Variants in NAA15 observed in about 807,000 individuals in gnomAD.
NAA15 encodes the protein N-terminal acetyltransferase.
Under a neutral mutation model 114.0 loss-of-function variants are expected in NAA15, and 34 were observed. That is an observed-to-expected ratio of 0.30 (90% CI 0.23 to 0.40). The LOEUF (loss-of-function observed/expected upper bound fraction) is 0.40, where lower values mean the gene tolerates loss of function less well. NAA15 is among the 10% of genes least tolerant of loss of function. The probability of loss-of-function intolerance (pLI) is 1.00; values close to 1 mark genes in which losing one functional copy is unlikely to be tolerated. For synonymous variants in NAA15, 340 were observed against 338.0 expected, an observed-to-expected ratio of 1.01 and a Z score of -0.06; for missense variants, 658 against 1,004.5, an observed-to-expected ratio of 0.66 and a Z score of 4.66.
At chr4:139,319,310 G>A (rs561411833) in intron 1 of NAA15, among the ~76,000 whole-genome samples, 14 of 152,118 alleles carry the variant, frequency 9.2e-5, no homozygotes, top group Admixed American at 2.6e-4. Flanking sequence ...TTTTCAACAC[G>A]TTGGCCAGGC....
intron 3 of NAA15, among the ~76,000 whole-genome samples, chr4:139,340,205 G>T (rs538921133): frequency 2.6e-5 from 4 of 152,032 alleles, no homozygotes; most frequent in African/African-American, 9.6e-5. Flanking sequence ...GCCTGTAGTC[G>T]CAGCTACTCA....
intron 12 of NAA15, among the ~76,000 whole-genome samples, chr4:139,360,163 T>G (rs563326566): frequency 6.6e-6 from 1 of 152,158 alleles, no homozygotes; most frequent in East Asian, 1.9e-4. Flanking sequence ...AACTAAAATT[T>G]ATTGAATACC....
chr4:139,345,950 C>T (rs1404097562), intron 6 of NAA15, among the ~76,000 whole-genome samples: 2 of 151,958 alleles, frequency 1.3e-5, no homozygotes, highest in Non-Finnish European at 2.9e-5. Context: ...AGTAGAGGAA[C>T]TGAAGATAAG....
At chr4:139,336,720 A>T in intron 2 of NAA15, 128 bp from the exon 3 acceptor site, 1 of 454,002 alleles carries the variant, frequency 2.2e-6, no homozygotes, top group Non-Finnish European at 3.7e-6. Context: ...GTATCTTAGT[A>T]ATCTCCTTGA....
chr4:139,324,015 C>G (rs1302363325), intron 1 of NAA15, among the ~76,000 whole-genome samples: 4 of 152,172 alleles, frequency 2.6e-5, no homozygotes, highest in Admixed American at 6.5e-5. Flanking sequence ...TCCCCAGTAG[C>G]TGAGACTACA....
At chr4:139,384,339 G>T (rs1307830657) in intron 17 of NAA15, among the ~76,000 whole-genome samples, 2 of 152,098 alleles carry the variant, frequency 1.3e-5, no homozygotes, top group African/African-American at 2.4e-5. Context: ...TTAGCTGGAC[G>T]TGGTAGCTTG....
chr4:139,304,170 G>A (rs1344744668), intron 1 of NAA15, among the ~76,000 whole-genome samples: 2 of 152,152 alleles, frequency 1.3e-5, no homozygotes, highest in African/African-American at 4.8e-5. Context: ...CGCCCGCCTC[G>A]GCCTTCCGAA....
intron 1 of NAA15, among the ~76,000 whole-genome samples, chr4:139,333,880 C>CA (rs1318865759): frequency 3.3e-5 from 5 of 152,110 alleles, no homozygotes; most frequent in Non-Finnish European, 7.4e-5. Context: ...GCCTGGGTGA[C>CA]AGAGTGAGTC....
chr4:139,359,217 C>T (rs941688177), intron 11 of NAA15, among the ~76,000 whole-genome samples: 1 of 152,068 alleles, frequency 6.6e-6, no homozygotes, highest in Non-Finnish European at 1.5e-5. Flanking sequence ...CAACCTGCAC[C>T]TCCTGGGTTA....
intron 1 of NAA15, among the ~76,000 whole-genome samples, chr4:139,332,199 C>T (rs766025591): frequency 5.6e-4 from 85 of 152,084 alleles, no homozygotes; most frequent in Non-Finnish European, 1.1e-3. Flanking sequence ...AGCGCAATCT[C>T]GGCTCACTAC....
At position 139,349,485 on chromosome 4, in the gene NAA15, C is replaced by T. The variant is rs759209811; in HGVS notation, c.715C>T (p.Arg239Cys). Residue 239 changes from arginine (R) to cysteine (C), a missense_variant, in exon 7 of 20, where the codon CGT becomes TGT. Transcript: ENST00000296543. ...TKGELLLQLC[R>C]LEDAADVYRG... is the part of the protein sequence containing the mutation. Reference sequence around the variant, plus strand: ...AGGGGAACTTCTGTTGCAACTATGTCGTTTGGAAGATGCTGCAGATGTTTA... The same window carrying T: ...AGGGGAACTTCTGTTGCAACTATGTTGTTTGGAAGATGCTGCAGATGTTTA... 1.8e-5 allele frequency: 28 copies of T among 1,598,356 alleles called. No individual in the cohort carries two copies. Among genetic ancestry groups the T allele is most frequent in the South Asian group, 2.3e-5 (2 of 86,116 alleles).
intron 1 of NAA15, among the ~76,000 whole-genome samples, chr4:139,326,708 T>C (rs1278438530): frequency 6.6e-6 from 1 of 152,236 alleles, no homozygotes; most frequent in Non-Finnish European, 1.5e-5. Flanking sequence ...TTCTATACTT[T>C]TAACAGATGA....
At chr4:139,379,086 TTTGTTTCTGTTTCTAAAAAGTTA>T in intron 17 of NAA15, 1 of 318,488 alleles carries the variant, frequency 3.1e-6, no homozygotes. Flanking sequence ...GAGAATCATC[TTTGTTTCTGTTTCTAAAAAGTTA>T]CATGTAAGTT....
chr4:139,325,034 A>C (rs182526290), intron 1 of NAA15, among the ~76,000 whole-genome samples: 3 of 152,156 alleles, frequency 2.0e-5, no homozygotes, highest in Admixed American at 2.0e-4. Flanking sequence ...AATCATTAGG[A>C]TCTAAAACTC....
At chr4:139,361,685 C>A in intron 13 of NAA15, 39 bp from the exon 14 acceptor site, 1 of 1,289,336 alleles carries the variant, frequency 7.8e-7, no homozygotes, top group Non-Finnish European at 1.1e-6. Flanking sequence ...TTAGCCATTG[C>A]TGTACTTCGG....
intron 6 of NAA15, 32 bp from the exon 7 acceptor site, chr4:139,349,430 T>C: frequency 1.3e-6 from 2 of 1,499,474 alleles, no homozygotes; most frequent in Non-Finnish European, 1.8e-6. Context: ...TTCTCAGATA[T>C]TAAAATTTTT....
intron 14 of NAA15, among the ~76,000 whole-genome samples, chr4:139,366,744 G>T (rs112228961): frequency 0.021 from 3,200 of 152,046 alleles, 121 homozygotes; most frequent in African/African-American, 0.073. Context: ...ACGTAGGTAG[G>T]ACTACAGGCA....
chr4:139,377,719 G>A (rs760160894), intron 16 of NAA15, among the ~76,000 whole-genome samples: 11 of 152,074 alleles, frequency 7.2e-5, no homozygotes, highest in Admixed American at 3.3e-4. Flanking sequence ...AGATTGTCTC[G>A]ATAGATTTTG....
chr4:139,354,968 C>T (rs549134485), intron 10 of NAA15, among the ~76,000 whole-genome samples: 171 of 152,286 alleles, frequency 1.1e-3, no homozygotes, highest in Non-Finnish European at 1.9e-3. Flanking sequence ...CCTCCACCTC[C>T]CAGGTGCAAG....
Sources: allele counts gnomAD v4.1 joint callset (sites outside exome capture counted in the v4.1 genomes callset), GRCh38; gene constraint gnomAD v4.1.1; transcripts MANE v1.5; gene names NCBI Gene and HGNC (gene_info 2026-07-23, HGNC 2026-07-21).